The following ELMO1 variants were observed in gnomAD, a reference collection of about 807,000 sequenced individuals.
The protein encoded by ELMO1 is engulfment and cell motility protein 1.
Under a neutral mutation model 98.9 loss-of-function variants are expected in ELMO1, and 26 were observed. The ratio of observed to expected loss-of-function variants is 0.26; its 90% confidence interval spans 0.19 to 0.36. The LOEUF (loss-of-function observed/expected upper bound fraction) is 0.36, where lower values mean the gene tolerates loss of function less well. ELMO1 is among the 10% of genes least tolerant of loss of function. The pLI is 1.00. For missense variants in ELMO1, 627 were observed against 935.2 expected (o/e 0.67, Z 4.30); for synonymous variants, 346 against 346.0 (o/e 1.00, Z 0.00).
At chr7:37,196,910 C>A (rs1791995645) in intron 13 of ELMO1, among the ~76,000 whole-genome samples, 1 of 152,154 alleles carries the variant, frequency 6.6e-6, no homozygotes, top group East Asian at 1.9e-4. Context: ...GTCCCCTAGA[C>A]ACTACTGCTG....
chr7:37,014,142 G>A (rs965328385), intron 15 of ELMO1, among the ~76,000 whole-genome samples: 2 of 152,012 alleles, frequency 1.3e-5, no homozygotes, highest in Admixed American at 6.6e-5. Context: ...CCTAGTGCTC[G>A]GAACTTTAGG....
At chr7:37,425,015 A>T (rs10272194) in intron 1 of ELMO1, among the ~76,000 whole-genome samples, 23,885 of 152,148 alleles carry the variant, frequency 0.16, 2,205 homozygotes, top group South Asian at 0.26. Flanking sequence ...AAGATGAAAA[A>T]GGCAAGCCCT....
chr7:36,861,727 C>A lies in ELMO1; in HGVS notation c.1915G>T (p.Glu639Ter). Residue 639 changes from glutamate to a stop codon, truncating the protein, a stop_gained, in exon 21 of 22, where the codon GAA becomes TAA. Coordinates refer to ENST00000310758, the MANE Select transcript of ELMO1 (RefSeq NM_014800.11). LOFTEE classifies it high-confidence loss of function. Reference protein sequence around the residue: ...GALKQNKEVLELAFSILYDSN... With the variant: ...GALKQNKEVL ...TCATACAAGATGGAGAAAGCGAGTT[C>A]AAGCACCTCCTACAAGAGATGAGAG... The A allele has an allele frequency of 6.2e-7, 1 of 1,612,770 alleles. No homozygotes were observed. The highest frequency in any genetic ancestry group is 1.1e-5 in the South Asian group (1 of 91,012).
chr7:36,946,548 CTG>C (rs1476318685), intron 16 of ELMO1, among the ~76,000 whole-genome samples: 7 of 152,354 alleles, frequency 4.6e-5, no homozygotes, highest in Admixed American at 2.6e-4. Flanking sequence ...GCAACCACCT[CTG>C]TGTTTGTGTT....
intron 15 of ELMO1, among the ~76,000 whole-genome samples, chr7:37,050,624 AC>A: frequency 6.8e-6 from 1 of 147,160 alleles, no homozygotes; most frequent in Non-Finnish European, 1.5e-5. Context: ...ACACACACAC[AC>A]ACACACACAC....
intron 15 of ELMO1, among the ~76,000 whole-genome samples, chr7:37,083,659 C>CT (rs1280897059): frequency 1.3e-5 from 2 of 152,184 alleles, no homozygotes; most frequent in African/African-American, 2.4e-5. Flanking sequence ...GGATCTAAAA[C>CT]TGTGTCCTGC....
At chr7:37,172,136 G>C (rs531610640) in intron 13 of ELMO1, among the ~76,000 whole-genome samples, 28 of 152,162 alleles carry the variant, frequency 1.8e-4, no homozygotes, top group Non-Finnish European at 3.7e-4. Context: ...AGCTGACTTA[G>C]AGTGAGTACA....
At chr7:36,915,939 G>A (rs1336477410) in intron 16 of ELMO1, among the ~76,000 whole-genome samples, 3 of 152,190 alleles carry the variant, frequency 2.0e-5, no homozygotes, top group Non-Finnish European at 4.4e-5. Context: ...CTGATGTGGT[G>A]TTTATTTGGG....
At chr7:36,924,756 A>G (rs1306931237) in intron 16 of ELMO1, among the ~76,000 whole-genome samples, 3 of 152,118 alleles carry the variant, frequency 2.0e-5, no homozygotes, top group Admixed American at 6.5e-5. Context: ...CAGCACCCCC[A>G]TGGTGGGGGG....
At chr7:37,117,124 C>G in intron 14 of ELMO1, 1 of 207,876 alleles carries the variant, frequency 4.8e-6, no homozygotes, top group Non-Finnish European at 1.0e-5. Flanking sequence ...CACAGACTGT[C>G]CAACCTGCGG....
chr7:37,009,622 G>T (rs1015686231), intron 16 of ELMO1, among the ~76,000 whole-genome samples: 4 of 151,782 alleles, frequency 2.6e-5, no homozygotes, highest in Admixed American at 1.3e-4. Flanking sequence ...AAATTGAGGG[G>T]CACTCCTTCT....
chr7:37,418,848 C>T (rs1228917460), intron 1 of ELMO1, among the ~76,000 whole-genome samples: 2 of 152,026 alleles, frequency 1.3e-5, no homozygotes, highest in Admixed American at 6.5e-5. Context: ...GGCAGTGAGG[C>T]GAGATGGGGA....
At chr7:37,422,517 T>C (rs914864381) in intron 1 of ELMO1, among the ~76,000 whole-genome samples, 1 of 152,252 alleles carries the variant, frequency 6.6e-6, no homozygotes, top group African/African-American at 2.4e-5. Flanking sequence ...AGGATTCAGC[T>C]ATTCGCAGGA....
At chr7:37,262,838 C>T (rs1323344068) in intron 5 of ELMO1, among the ~76,000 whole-genome samples, 1 of 152,204 alleles carries the variant, frequency 6.6e-6, no homozygotes, top group Non-Finnish European at 1.5e-5. Context: ...CTTCTCTCTT[C>T]ACCTCTCTTG....
intron 18 of ELMO1, among the ~76,000 whole-genome samples, chr7:36,884,498 A>G (rs1804761881): frequency 6.6e-6 from 1 of 152,178 alleles, no homozygotes; most frequent in South Asian, 2.1e-4. Flanking sequence ...AAGAAAGAGG[A>G]GCACAAAGAC....
rs551498818 is a variant in ELMO1 at position 37,403,448 on chromosome 7, G to T, written c.-74+45227C>A. ...TGGAGGCCAGGAGGACGGTAGGGGG[G>T]TGCATAGGTGAAGCATCGTGGATTT... is the stretch of plus-strand genomic sequence containing the variant. On this transcript the variant is annotated intron_variant, in intron 1 of 21. Transcript: ENST00000310758. Among the ~76,000 whole-genome samples the T allele has an allele frequency of 5.3e-5, 8 of 152,284 alleles. No individual in the cohort carries two copies. The South Asian group carries it at 1.2e-3, about 24-fold the overall frequency.
chr7:37,176,826 A>G (rs886512982), intron 13 of ELMO1, among the ~76,000 whole-genome samples: 2 of 152,242 alleles, frequency 1.3e-5, no homozygotes, highest in African/African-American at 2.4e-5. Flanking sequence ...CAAAAGTTAG[A>G]AGACAAAGTA....
At chr7:37,019,927 A>G (rs966319968) in intron 15 of ELMO1, among the ~76,000 whole-genome samples, 3 of 152,206 alleles carry the variant, frequency 2.0e-5, no homozygotes, top group African/African-American at 7.2e-5. Flanking sequence ...GAACATACAT[A>G]TTTTTAAAAA....
chr7:37,101,646 C>A (rs762614417), intron 14 of ELMO1, among the ~76,000 whole-genome samples: 1 of 152,070 alleles, frequency 6.6e-6, no homozygotes, highest in Non-Finnish European at 1.5e-5. Flanking sequence ...TACCTTCCAC[C>A]GAGCACATTC....
Sources: gnomAD v4.1 joint callset for allele counts (sites outside exome capture counted in the v4.1 genomes callset) on GRCh38, gnomAD v4.1.1 for gene constraint, MANE v1.5 for transcripts, NCBI Gene and HGNC (gene_info 2026-07-23, HGNC 2026-07-21) for gene names.